DLG2: variants seen among roughly 807,000 people sequenced by gnomAD.
DLG2 encodes the protein disks large homolog 2.
DLG2 carries 45 observed loss-of-function variants against 132.5 expected under a neutral mutation model. The ratio of observed to expected loss-of-function variants is 0.34; its 90% CI spans 0.27 to 0.44. The LOEUF (loss-of-function observed/expected upper bound fraction) is 0.44. Among genes scored for constraint, DLG2 ranks in the 20% least tolerant of loss-of-function variants. The pLI, the probability that DLG2 is intolerant of heterozygous loss-of-function variation, is 1.00. For synonymous variants in DLG2, 424 were observed against 419.6 expected (o/e 1.01, Z -0.13); for missense variants, 1,045 against 1,196.9 (o/e 0.87, Z 1.87).
At chr11:83,869,887 A>G (rs1472737629) in intron 16 of DLG2, among the ~76,000 whole-genome samples, 1 of 152,230 alleles carries the variant, frequency 6.6e-6, no homozygotes, top group African/African-American at 2.4e-5. Flanking sequence ...GTGTCACTAA[A>G]TGACCTTGTA....
At chr11:83,624,438 C>G (rs1349382211) in intron 19 of DLG2, among the ~76,000 whole-genome samples, 1 of 152,218 alleles carries the variant, frequency 6.6e-6, no homozygotes, top group Admixed American at 6.5e-5. Context: ...AAAGACAAAG[C>G]CTTTTATTCC....
At chr11:84,591,308 T>G (rs527705350) in intron 6 of DLG2, among the ~76,000 whole-genome samples, 38 of 149,128 alleles carry the variant, frequency 2.5e-4, no homozygotes, top group African/African-American at 9.4e-4. Context: ...CAAAAGACCA[T>G]GCCTTGTTTT....
At chr11:85,072,510 G>A (rs745748734) in intron 6 of DLG2, among the ~76,000 whole-genome samples, 41 of 151,814 alleles carry the variant, frequency 2.7e-4, no homozygotes, top group Non-Finnish European at 5.6e-4. Flanking sequence ...AATTTCTTAA[G>A]TATTGATGAT....
intron 6 of DLG2, chr11:84,763,458 C>T (rs2067938330): frequency 6.6e-6 from 1 of 151,816 alleles, no homozygotes; most frequent in South Asian, 2.1e-4. Flanking sequence ...TCCTTCATCT[C>T]TCACCCTCAT....
intron 3 of DLG2, among the ~76,000 whole-genome samples, chr11:85,393,380 T>C (rs1399464495): frequency 1.3e-5 from 2 of 152,160 alleles, no homozygotes; most frequent in African/African-American, 4.8e-5. Context: ...GGTGGGAATG[T>C]AATACAACTA....
chr11:84,141,981 A>G (rs919825002), intron 9 of DLG2, among the ~76,000 whole-genome samples: 5 of 151,992 alleles, frequency 3.3e-5, no homozygotes, highest in African/African-American at 1.2e-4. Flanking sequence ...AATATATCTG[A>G]CTTTCCATCT....
chr11:85,167,570 A>G (rs1007917549), intron 4 of DLG2, among the ~76,000 whole-genome samples: 3 of 152,166 alleles, frequency 2.0e-5, no homozygotes, highest in Non-Finnish European at 4.4e-5. Flanking sequence ...CAAAGACACA[A>G]AGAAGACAAG....
intron 7 of DLG2, 75 bp from the exon 8 acceptor site, chr11:84,251,366 T>A: frequency 8.5e-7 from 1 of 1,177,304 alleles, no homozygotes; most frequent in African/African-American, 1.6e-5. Context: ...TTAACTTATT[T>A]AACAAAGAGC....
At chr11:83,738,743 G>A (rs529692724) in intron 18 of DLG2, among the ~76,000 whole-genome samples, 47 of 152,140 alleles carry the variant, frequency 3.1e-4, no homozygotes, top group African/African-American at 7.9e-4. Flanking sequence ...TTGTCAAGCC[G>A]ACTTCCTACA....
chr11:84,397,856 T>C (rs1189672545), intron 7 of DLG2, among the ~76,000 whole-genome samples: 2 of 152,240 alleles, frequency 1.3e-5, no homozygotes, highest in African/African-American at 2.4e-5. Context: ...TCCTAGATTG[T>C]GTAAGTTGTA....
chr11:85,593,853 C>G (rs570877591), intron 3 of DLG2, among the ~76,000 whole-genome samples: 1 of 152,120 alleles, frequency 6.6e-6, no homozygotes, highest in East Asian at 1.9e-4. Flanking sequence ...ATAGACCTTA[C>G]CATCATTATA....
At chr11:85,490,994 C>A (rs1430754329) in intron 3 of DLG2, among the ~76,000 whole-genome samples, 2 of 151,964 alleles carry the variant, frequency 1.3e-5, no homozygotes, top group Non-Finnish European at 2.9e-5. Context: ...GACCAATATC[C>A]CTGATGAATA....
At chr11:84,534,521 G>T in intron 7 of DLG2, 49 bp downstream of exon 7, 1 of 1,578,596 alleles carries the variant, frequency 6.3e-7, no homozygotes. Context: ...TAGCAATTAA[G>T]ACCAACTACT....
chr11:85,333,699 G>A (rs1362831784), intron 3 of DLG2, among the ~76,000 whole-genome samples: 1 of 152,052 alleles, frequency 6.6e-6, no homozygotes, highest in Non-Finnish European at 1.5e-5. Flanking sequence ...GTGGTTTTTG[G>A]TTTTAGTTCT....
intron 6 of DLG2, among the ~76,000 whole-genome samples, chr11:84,555,991 T>C (rs2099411289): frequency 6.6e-6 from 1 of 152,178 alleles, no homozygotes; most frequent in Admixed American, 6.5e-5. Flanking sequence ...CCCATCTGCA[T>C]TTCCTACAGT....
intron 6 of DLG2, among the ~76,000 whole-genome samples, chr11:84,806,695 C>G (rs1196179621): frequency 6.6e-6 from 1 of 152,058 alleles, no homozygotes; most frequent in Non-Finnish European, 1.5e-5. Context: ...AGAAAGATTT[C>G]TAAACAGCAA....
intron 3 of DLG2, among the ~76,000 whole-genome samples, chr11:85,530,538 G>T (rs2075132917): frequency 6.6e-6 from 1 of 151,434 alleles, no homozygotes; most frequent in Non-Finnish European, 1.5e-5. Flanking sequence ...GGCTAGGCTG[G>T]TCTTGAACTC....
chr11:84,350,086 G>A (rs1412859076), intron 7 of DLG2, among the ~76,000 whole-genome samples: 1 of 151,142 alleles, frequency 6.6e-6, no homozygotes, highest in Non-Finnish European at 1.5e-5. Flanking sequence ...GCTGAGGCAG[G>A]AGAATGGCGT....
intron 6 of DLG2, among the ~76,000 whole-genome samples, chr11:84,910,750 A>G (rs1382374816): frequency 2.2e-5 from 3 of 134,054 alleles, no homozygotes; most frequent in Non-Finnish European, 4.9e-5. Context: ...CCCTTCCACA[A>G]AAAGGAAGAA....
Sources: allele counts gnomAD v4.1 joint callset (sites outside exome capture counted in the v4.1 genomes callset), GRCh38; gene constraint gnomAD v4.1.1; transcripts MANE v1.5; gene names NCBI Gene and HGNC (gene_info 2026-07-23, HGNC 2026-07-21).